GSDME: variants seen among roughly 807,000 people sequenced by gnomAD.
GSDME encodes gasdermin-E.
A neutral mutation model predicts 47.5 loss-of-function variants in GSDME; 44 were observed. That is an observed-to-expected ratio of 0.93 (90% CI 0.73 to 1.19). The LOEUF is 1.19. Ranked by LOEUF, GSDME falls within the 50% of genes most tolerant of loss-of-function variation. GSDME has a pLI of 0.00. For missense variants in GSDME, 663 were observed against 604.2 expected (o/e 1.10, Z -1.02); for synonymous variants, 258 against 252.8 (o/e 1.02, Z -0.20).
In GSDME at chr7:24,744,034, T is replaced by C. The variant is rs1021459948; in HGVS notation, c.404+528A>G. On this transcript the variant is annotated intron_variant, in intron 3 of 9. Coordinates refer to ENST00000645220, the MANE Select transcript of GSDME (RefSeq NM_001127453.2). This position sits in a 1 kb window ranked among gnomAD's most constrained non-coding sequence, Gnocchi z 4.5. ...AATTATTTTTTGAATGTTGAATAAA[T>C]ATGAGGTAAGAATAATGATGAGCTA... The C allele has an allele frequency of 1.1e-5, 2 of 180,118 alleles. No homozygotes were observed. Among genetic ancestry groups the C allele is most frequent in the Middle Eastern group, 2.6e-3 (1 of 386 alleles). The allele number at this position is 180,118 out of a possible 1,614,324, so 11.2% of individuals were successfully genotyped here. A position where few individuals can be genotyped will look rare whatever the true frequency, so the allele number is the denominator to read the frequency against.
intron 7 of GSDME, chr7:24,707,773 T>C: frequency 4.2e-6 from 2 of 475,148 alleles, no homozygotes; most frequent in Non-Finnish European, 3.7e-6. Flanking sequence ...CTAGGAGCCA[T>C]CCGCAGCTGG....
the GSDME span, among the ~76,000 whole-genome samples, chr7:24,775,057 T>G: frequency 6.6e-6 from 1 of 152,208 alleles, no homozygotes; most frequent in Non-Finnish European, 1.5e-5. Context: ...GATCCATACC[T>G]TTGGGGTGTC....
rs568417725 is a variant in GSDME, at chr7:24,715,040, G to C, written c.697+2214C>G. 2.0e-5 allele frequency among the ~76,000 whole-genome samples: 3 copies of C among 152,312 alleles called. No homozygotes were observed. In the South Asian group the frequency reaches 6.2e-4, roughly 32 times the overall value. On this transcript the variant is annotated intron_variant, in intron 5 of 9. Transcript: ENST00000645220. The stretch of plus-strand genomic sequence containing the variant: ...ATACTTTTTGGCCATGAAGAAGAAG[G>C]AAAGTCTCCCATTTGTGCCAACCTC...
chr7:24,794,387 C>T, the GSDME span, among the ~76,000 whole-genome samples: 7 of 152,054 alleles, frequency 4.6e-5, no homozygotes, highest in Non-Finnish European at 1.0e-4. Flanking sequence ...CTTCCTCTTC[C>T]CCTAGGGGAG....
Position 24,744,995 on chromosome 7 carries a change from G to GTT in GSDME, c.212-242_212-241insAA, listed in dbSNP as rs1790618510. Among the ~76,000 whole-genome samples, 1 of 92,884 alleles carries GTT rather than the reference G, an allele frequency of 1.1e-5. No homozygotes were observed. The highest frequency in any genetic ancestry group is 1.9e-5 in the Non-Finnish European group (1 of 52,046). 60.9% of individuals were successfully genotyped at this position (92,884 alleles called of 152,430 possible). On this transcript the variant is annotated intron_variant, in intron 2 of 9. Coordinates refer to ENST00000645220, the MANE Select transcript of GSDME (RefSeq NM_001127453.2). The surrounding 1 kb of genome is among the most constrained non-coding windows in gnomAD (Gnocchi z 4.5). ...GGACCAGTGCAGCACGTGTGTGTGT[G>GTT]TGTGTGTGTGTGTGTGTGTGTGTGT...
the GSDME span, among the ~76,000 whole-genome samples, chr7:24,763,433 C>A: frequency 6.6e-6 from 1 of 151,684 alleles, no homozygotes; most frequent in African/African-American, 2.4e-5. This position sits in a 1 kb window ranked among gnomAD's most constrained non-coding sequence, Gnocchi z 4.3. Flanking sequence ...ACTGCAATGT[C>A]ATGACAGCCA....
In GSDME at chr7:24,725,043, A is replaced by G. The variant is rs1249334779; in HGVS notation, c.405-5825T>C. Among the ~76,000 whole-genome samples the G allele has an allele frequency of 5.3e-5, 8 of 152,194 alleles. No homozygotes were observed. Among genetic ancestry groups the G allele is most frequent in the Non-Finnish European group, 1.2e-4 (8 of 68,034 alleles). ...AGCTTCTGGAGGCCTCACCAAGAGCAGATGCTGGCACCATGCTTCCTGTAC... is the reference window on the plus strand; with the variant it reads ...AGCTTCTGGAGGCCTCACCAAGAGCGGATGCTGGCACCATGCTTCCTGTAC... On this transcript the variant is annotated intron_variant, in intron 3 of 9. Coordinates refer to ENST00000645220, the MANE Select transcript of GSDME (RefSeq NM_001127453.2). This position sits in a 1 kb window ranked among gnomAD's most constrained non-coding sequence, Gnocchi z 5.1.
At chr7:24,793,109 T>A in the GSDME span, among the ~76,000 whole-genome samples, 17 of 152,336 alleles carry the variant, frequency 1.1e-4, no homozygotes, top group Admixed American at 1.0e-3. Flanking sequence ...GTATCACTTT[T>A]ATACCAGATA....
chr7:24,795,528 G>C, the GSDME span, among the ~76,000 whole-genome samples: 1 of 152,060 alleles, frequency 6.6e-6, no homozygotes, highest in Non-Finnish European at 1.5e-5. Context: ...GAGCAAGCAG[G>C]GGTACGTGAC....
rs1033674984 is a variant in GSDME at position 24,725,902 on chromosome 7, A to T, written c.405-6684T>A. Among the ~76,000 whole-genome samples the T allele has an allele frequency of 1.3e-5, 2 of 152,188 alleles. No individual in the cohort carries two copies. The highest frequency in any genetic ancestry group is 4.8e-5 in the African/African-American group (2 of 41,430). ...CTTAAGGAAGTGGACCCTCAAAGCA[A>T]TTAAGAGCATGGCTCCATGGACACA... On this transcript the variant is annotated intron_variant, in intron 3 of 9. Transcript: ENST00000645220. The surrounding 1 kb of genome is among the most constrained non-coding windows in gnomAD (Gnocchi z 5.1).
Position 24,757,070 on chromosome 7 carries a change from G to A in GSDME, c.-20+326C>T, listed in dbSNP as rs953224213. 6.6e-6 allele frequency among the ~76,000 whole-genome samples: 1 copy of A among 152,134 alleles called. No individual in the cohort carries two copies. Among genetic ancestry groups the A allele is most frequent in the Non-Finnish European group, 1.5e-5 (1 of 68,010 alleles). Reference sequence around the variant, plus strand: ...TTGGGAGAACGAAAATACCAGCTGCGCTTCCAACATCCAAGGAAGGAAGTG... The same window carrying A: ...TTGGGAGAACGAAAATACCAGCTGCACTTCCAACATCCAAGGAAGGAAGTG... On this transcript the variant is annotated intron_variant, in intron 1 of 9. Transcript: ENST00000645220. This position sits in a 1 kb window ranked among gnomAD's most constrained non-coding sequence, Gnocchi z 5.9.
At chr7:24,774,776 C>G in the GSDME span, among the ~76,000 whole-genome samples, 1 of 152,084 alleles carries the variant, frequency 6.6e-6, no homozygotes, top group Admixed American at 6.6e-5. Context: ...CATGATTCGC[C>G]CAACTCGGCC....
chr7:24,717,193 T>A, intron 5 of GSDME, 61 bp downstream of exon 5: 1 of 1,599,236 alleles, frequency 6.3e-7, no homozygotes, highest in Admixed American at 1.7e-5. Context: ...AGCAGTCAAG[T>A]CCCTCTGCTG....
intron 6 of GSDME, 132 bp downstream of exon 6, chr7:24,710,092 G>T (rs1789284985): frequency 1.9e-6 from 2 of 1,026,340 alleles, no homozygotes; most frequent in Non-Finnish European, 1.5e-6. Flanking sequence ...GGCCTCGGCG[G>T]CATCACCTCT....
At chr7:24,775,047 G>C in the GSDME span, among the ~76,000 whole-genome samples, 4 of 152,276 alleles carry the variant, frequency 2.6e-5, no homozygotes, top group African/African-American at 9.6e-5. Flanking sequence ...GTCTTCTGGT[G>C]ATCCATACCT....
chr7:24,698,640 AT>A lies in GSDME; in HGVS notation c.*385del. 3.3e-6 allele frequency: 1 copy of A among 305,046 alleles called. No individual in the cohort carries two copies. The highest frequency in any genetic ancestry group is 4.8e-5 in the Admixed American group (1 of 20,906). 18.9% of individuals were successfully genotyped at this position (305,046 alleles called of 1,614,324 possible). ...TGCAGAGAAATTGCCTTCCCACAGCATTCACAATGTAAAAAGACCTTTTGGA... is the reference window on the plus strand; with the variant it reads ...TGCAGAGAAATTGCCTTCCCACAGCATCACAATGTAAAAAGACCTTTTGGA... On this transcript the variant is annotated 3_prime_UTR_variant, in exon 10 of 10. Coordinates refer to ENST00000645220, the MANE Select transcript of GSDME (RefSeq NM_001127453.2).
Position 24,726,194 on chromosome 7 carries a change from A to G in GSDME, c.405-6976T>C, listed in dbSNP as rs1248218665. ...GCCTCCTCTCCCAGCCTGAAGCTTT[A>G]ATTTCCATTTTCTCTGCTTCTAAGA... On this transcript the variant is annotated intron_variant, in intron 3 of 9. Coordinates refer to ENST00000645220, the MANE Select transcript of GSDME (RefSeq NM_001127453.2). This position sits in a 1 kb window ranked among gnomAD's most constrained non-coding sequence, Gnocchi z 5.6. Among the ~76,000 whole-genome samples, 2 of 152,172 alleles carry G rather than the reference A, an allele frequency of 1.3e-5. No homozygotes were observed. Among genetic ancestry groups the G allele is most frequent in the Non-Finnish European group, 2.9e-5 (2 of 68,036 alleles).
At chr7:24,761,604 A>G (rs1184051523), upstream of GSDME, among the ~76,000 whole-genome samples, 1 of 152,236 alleles carries the variant, frequency 6.6e-6, no homozygotes, top group Non-Finnish European at 1.5e-5. This position sits in a 1 kb window ranked among gnomAD's most constrained non-coding sequence, Gnocchi z 4.4. Flanking sequence ...TTGGGGGAAC[A>G]CAAACATTCA....
chr7:24,717,426 C>T (rs1789610231), intron 4 of GSDME, 52 bp from the exon 5 acceptor site: 1 of 1,613,528 alleles, frequency 6.2e-7, no homozygotes, highest in Non-Finnish European at 8.5e-7. Context: ...CTCCAAGCTG[C>T]TCTGTTCCCC....
Sources: gnomAD v4.1 joint callset for allele counts (sites outside exome capture counted in the v4.1 genomes callset) on GRCh38, gnomAD v4.1.1 for gene constraint, Gnocchi (gnomAD v3.1) non-coding constraint, MANE v1.5 for transcripts, NCBI Gene and HGNC (gene_info 2026-07-23, HGNC 2026-07-21) for gene names.